Variants in YBEY observed in about 807,000 individuals in gnomAD.
The protein encoded by YBEY is ybeY metalloendoribonuclease, also known as endoribonuclease YbeY.
In YBEY, 15 loss-of-function variants were observed where a neutral mutation model predicts 13.5. The ratio of observed to expected loss-of-function variants is 1.11; its 90% CI spans 0.75 to 1.72. YBEY has a LOEUF of 1.72. YBEY is among the 40% of genes most tolerant of loss of function. YBEY has a pLI of 0.00. For missense variants in YBEY, 244 were observed against 208.4 expected (o/e 1.17, Z -1.05); for synonymous variants, 101 against 83.1 (o/e 1.21, Z -1.17).
intron 2 of YBEY, among the ~76,000 whole-genome samples, chr21:46,290,304 C>T (rs2081647498): frequency 6.6e-6 from 1 of 152,060 alleles, no homozygotes; most frequent in Non-Finnish European, 1.5e-5. Flanking sequence ...CTCCCAGGTT[C>T]AAGCGATTCT....
chr21:46,300,811 G>GA, downstream of YBEY: 4 of 1,282,396 alleles, frequency 3.1e-6, no homozygotes, highest in Non-Finnish European at 4.1e-6. Flanking sequence ...GGGGGTGAAT[G>GA]AAAGTTTATG....
chr21:46,298,633 G>C (rs983952871), downstream of YBEY, among the ~76,000 whole-genome samples: 5 of 151,756 alleles, frequency 3.3e-5, no homozygotes, highest in Non-Finnish European at 7.4e-5. Context: ...GTTTCACTGT[G>C]TTAGCCAGGA....
intron 3 of YBEY, 21 bp from the exon 4 acceptor site, chr21:46,296,141 G>A (rs376873198): frequency 9.3e-6 from 15 of 1,613,444 alleles, no homozygotes; most frequent in East Asian, 6.7e-5. Flanking sequence ...CCTCTGAGCC[G>A]GTTTAAAATT....
downstream of YBEY, among the ~76,000 whole-genome samples, chr21:46,298,446 T>TTTTTTTTTTTTTTTG (rs1375821400): frequency 7.2e-6 from 1 of 139,730 alleles, no homozygotes; most frequent in African/African-American, 2.6e-5. Flanking sequence ...TTTTTTTTTT[T>TTTTTTTTTTTTTTTG]GAGACGGAGT....
downstream of YBEY, chr21:46,301,859 C>T (rs568525856): frequency 2.3e-6 from 3 of 1,281,154 alleles, no homozygotes; most frequent in Admixed American, 8.0e-5. Context: ...CCAGGAGGAG[C>T]CTGCAGTCCA....
At chr21:46,291,651 A>C (rs1482207045) in intron 3 of YBEY, 189 bp downstream of exon 3, 8 of 1,385,178 alleles carry the variant, frequency 5.8e-6, no homozygotes, top group Admixed American at 3.4e-5. Context: ...CCACAGTTGA[A>C]GGAGGGAGAG....
the YBEY span, chr21:46,311,744 C>A: frequency 4.5e-6 from 2 of 443,734 alleles, no homozygotes; most frequent in African/African-American, 4.0e-5. Flanking sequence ...ACCAACCATC[C>A]ACCCACTCAT....
intron 2 of YBEY, among the ~76,000 whole-genome samples, chr21:46,290,250 C>CTGAA (rs141129829): frequency 0.044 from 6,613 of 151,926 alleles, 204 homozygotes; most frequent in Non-Finnish European, 0.067. Context: ...GTCAGCCAGG[C>CTGAA]TGAAGTGCAA....
At chr21:46,303,737 ATATATATATTTTTTT>A in the YBEY span, among the ~76,000 whole-genome samples, 7 of 30,194 alleles carry the variant, frequency 2.3e-4, no homozygotes, top group African/African-American at 3.7e-4. Flanking sequence ...ATATATATAT[ATATATATATTTTTTT>A]TTTTTTTTTT....
chr21:46,290,700 G>A lies in YBEY; in HGVS notation c.211-634G>A, dbSNP rs1409512061. On this transcript the variant is annotated intron_variant, in intron 2 of 4. Transcript: ENST00000397701. ...GAGGCAGGCAGATCACCTGAGGTCA[G>A]GAGTTCGAGACCAGCCTGACCCATA... 2.6e-5 allele frequency among the ~76,000 whole-genome samples: 4 copies of A among 151,776 alleles called. 1 individual carries two copies. The South Asian group carries it at 8.3e-4, about 32-fold the overall frequency.
chr21:46,303,213 C>T, the YBEY span, among the ~76,000 whole-genome samples: 1 of 152,000 alleles, frequency 6.6e-6, no homozygotes, highest in Admixed American at 6.6e-5. Context: ...GTGGTGCATG[C>T]CTGTAGTCCC....
At chr21:46,306,889 C>T in the YBEY span, among the ~76,000 whole-genome samples, 2 of 143,530 alleles carry the variant, frequency 1.4e-5, no homozygotes, top group Middle Eastern at 4.8e-3. Flanking sequence ...TGCCCGGCCT[C>T]CCCTTATTTT....
chr21:46,291,430 A>G lies in YBEY; in HGVS notation c.307A>G (p.Lys103Glu), dbSNP rs79395473. The change falls in exon 3 of 5, where the codon AAA (lysine) becomes GAA (glutamate). Residue 103 changes from lysine to glutamate, a missense_variant. Lys to Glu is a moderately conservative substitution (Grantham distance 56). Coordinates refer to ENST00000397701, the MANE Select transcript of YBEY (RefSeq NM_001314025.2). Reference protein sequence around the residue: ...LGVEYIFHQCKENEDYNDVLT... With the variant: ...LGVEYIFHQCEENEDYNDVLT... ...AGTGGAGTATATCTTCCATCAGTGT[A>G]AAGAAAATGAAGATTACAATGACGT... 1.1e-4 allele frequency: 185 copies of G among 1,614,114 alleles called. 1 individual carries two copies. In the African/African-American group the frequency reaches 2.2e-3, roughly 19 times the overall value.
At chr21:46,298,952 C>T (rs1050725945), downstream of YBEY, among the ~76,000 whole-genome samples, 16 of 151,670 alleles carry the variant, frequency 1.1e-4, no homozygotes, top group Non-Finnish European at 1.6e-4. Flanking sequence ...GAACTCCTGA[C>T]CTCAAGTAAT....
rs1001911246 is a variant in YBEY, at chr21:46,291,371, C to G, written c.248C>G (p.Pro83Arg). 7 of 1,613,920 alleles carry G rather than the reference C, an allele frequency of 4.3e-6. No individual in the cohort carries two copies. The highest frequency in any genetic ancestry group is 5.9e-6 in the Non-Finnish European group (7 of 1,180,016). The change falls in exon 3 of 5, where the codon CCA (proline) becomes CGA (arginine). Residue 83 changes from proline (P) to arginine (R), a missense_variant. Coordinates refer to ENST00000397701, the MANE Select transcript of YBEY (RefSeq NM_001314025.2). The part of the protein sequence containing the change: ...KAGEFPQPDF[P>R]DDYNLGDIFL... ...GGTGAATTTCCCCAGCCTGATTTTC[C>G]AGATGACTACAATTTGGGAGACATT...
intron 4 of YBEY, among the ~76,000 whole-genome samples, chr21:46,296,857 G>A (rs2081969258): frequency 6.6e-6 from 1 of 152,004 alleles, no homozygotes; most frequent in African/African-American, 2.4e-5. Flanking sequence ...AGCTGGGCCT[G>A]GTGGTGCATG....
rs758751478 is a variant in YBEY at position 46,296,182 on chromosome 21, C to A, written c.360C>A (p.Leu120=). The part of the protein sequence containing the change: ...DVLTVTATHG[L]CHLLGFTHGT... ...GACAGGTGACGGCCACCCACGGACTCTGTCACTTGCTGGGATTCACACACG... is the reference window on the plus strand; with the variant it reads ...GACAGGTGACGGCCACCCACGGACTATGTCACTTGCTGGGATTCACACACG... The change falls in exon 4 of 5, where the codon CTC becomes CTA. Residue 120 remains leucine (L), a synonymous_variant. Coordinates refer to ENST00000397701, the MANE Select transcript of YBEY (RefSeq NM_001314025.2). 3.7e-6 allele frequency: 6 copies of A among 1,613,770 alleles called. No individual in the cohort carries two copies. In the Admixed American group the frequency reaches 1.0e-4, roughly 27 times the overall value.
downstream of YBEY, chr21:46,302,386 A>T: frequency 9.0e-7 from 1 of 1,112,622 alleles, no homozygotes; most frequent in Non-Finnish European, 1.3e-6. Context: ...CTGAGCCAGG[A>T]ATGCCCTTTC....
At chr21:46,298,643 A>G (rs1216411640), downstream of YBEY, among the ~76,000 whole-genome samples, 2 of 151,236 alleles carry the variant, frequency 1.3e-5, no homozygotes, top group Non-Finnish European at 2.9e-5. Context: ...GTTAGCCAGG[A>G]TGGTCTCCAT....
Sources: gnomAD v4.1 joint callset for allele counts (sites outside exome capture counted in the v4.1 genomes callset) on GRCh38, gnomAD v4.1.1 for gene constraint, MANE v1.5 for transcripts, NCBI Gene and HGNC (gene_info 2026-07-23, HGNC 2026-07-21) for gene names.